OTOGL: variants seen among roughly 807,000 people sequenced by gnomAD.
OTOGL encodes otogelin like.
A neutral mutation model predicts 318.5 loss-of-function variants in OTOGL; 285 were observed. The ratio of observed to expected loss-of-function variants is 0.89; its 90% CI spans 0.81 to 0.99. The LOEUF (loss-of-function observed/expected upper bound fraction) is 0.99. Ranked by LOEUF, OTOGL falls within the 50% of genes least tolerant of loss-of-function variation. The pLI is 0.00. For missense variants in OTOGL, 2,899 were observed against 2,845.6 expected, an observed-to-expected ratio of 1.02 and a Z score of -0.43; for synonymous variants, 987 against 936.5, an observed-to-expected ratio of 1.05 and a Z score of -0.99.
intron 5 of OTOGL, among the ~76,000 whole-genome samples, chr12:80,218,459 A>G (rs763652082): frequency 5.3e-5 from 8 of 152,202 alleles, no homozygotes; most frequent in Non-Finnish European, 8.8e-5. Flanking sequence ...CAAATGATCA[A>G]TTATATAACT....
At chr12:80,286,610 A>T (rs543848216) in intron 26 of OTOGL, among the ~76,000 whole-genome samples, 1 of 152,226 alleles carries the variant, frequency 6.6e-6, no homozygotes, top group African/African-American at 2.4e-5. Flanking sequence ...GGGAGGGTGT[A>T]TGTGTCCAGG....
intron 1 of OTOGL, among the ~76,000 whole-genome samples, chr12:80,168,355 T>TA (rs997194431): frequency 6.6e-6 from 1 of 152,182 alleles, no homozygotes; most frequent in African/African-American, 2.4e-5. Flanking sequence ...AAGATATTTT[T>TA]AAAAAATATA....
intron 1 of OTOGL, among the ~76,000 whole-genome samples, chr12:80,151,735 T>C (rs1169127383): frequency 6.6e-6 from 1 of 151,970 alleles, no homozygotes; most frequent in Non-Finnish European, 1.5e-5. Context: ...AAAGGAAGAG[T>C]CAACTAGTTA....
intron 34 of OTOGL, among the ~76,000 whole-genome samples, chr12:80,323,097 TACACACACACACACACACACACACACAC>T (rs200949284): frequency 7.9e-6 from 1 of 127,056 alleles, no homozygotes; most frequent in African/African-American, 2.8e-5. Context: ...GAAAACCCAC[TACACACACACACACACACACACACACAC>T]ACACACACAC....
At chr12:80,202,907 A>C (rs938587014) in intron 1 of OTOGL, among the ~76,000 whole-genome samples, 1 of 152,206 alleles carries the variant, frequency 6.6e-6, no homozygotes, top group African/African-American at 2.4e-5. Context: ...ATGACTAAAA[A>C]ATAGTTGCCA....
intron 1 of OTOGL, among the ~76,000 whole-genome samples, chr12:80,123,856 A>C (rs184172138): frequency 5.3e-5 from 8 of 152,220 alleles, no homozygotes; most frequent in Admixed American, 5.2e-4. Flanking sequence ...GTATCTGTTC[A>C]TATCCTTCGC....
chr12:80,145,282 C>A (rs901108144), intron 1 of OTOGL, among the ~76,000 whole-genome samples: 3 of 151,882 alleles, frequency 2.0e-5, no homozygotes, highest in Admixed American at 2.0e-4. Flanking sequence ...TATGGCTAGC[C>A]AGTTTTCCCA....
At chr12:80,327,011 T>G (rs1239896561) in intron 35 of OTOGL, among the ~76,000 whole-genome samples, 3 of 152,214 alleles carry the variant, frequency 2.0e-5, no homozygotes. Context: ...GTAAATATAT[T>G]ATTTAAAACT....
chr12:80,186,539 CTT>C (rs963963263), intron 1 of OTOGL, among the ~76,000 whole-genome samples: 1 of 152,178 alleles, frequency 6.6e-6, no homozygotes, highest in African/African-American at 2.4e-5. Context: ...TGTTGAAAAA[CTT>C]TGAGAGGCTC....
At chr12:80,249,947 CTT>C (rs1281279942) in intron 11 of OTOGL, among the ~76,000 whole-genome samples, 2 of 152,042 alleles carry the variant, frequency 1.3e-5, no homozygotes, top group East Asian at 3.9e-4. Context: ...TCCGTCAGCC[CTT>C]TCTTTGACTC....
chr12:80,225,702 T>C (rs1474446741), intron 7 of OTOGL, among the ~76,000 whole-genome samples: 1 of 152,098 alleles, frequency 6.6e-6, no homozygotes, highest in Non-Finnish European at 1.5e-5. Context: ...CTTCCTTCAA[T>C]GTTAAATATT....
chr12:80,153,169 TC>T (rs1196269190), intron 1 of OTOGL, among the ~76,000 whole-genome samples: 1 of 152,198 alleles, frequency 6.6e-6, no homozygotes, highest in African/African-American at 2.4e-5. Context: ...GAAATTTATT[TC>T]TTATTCTGGA....
At chr12:80,106,159 C>A (rs1869442723) in intron 1 of OTOGL, among the ~76,000 whole-genome samples, 1 of 152,168 alleles carries the variant, frequency 6.6e-6, no homozygotes, top group African/African-American at 2.4e-5. Context: ...CAGATGTTAC[C>A]ATTTGGTATT....
chr12:80,228,566 C>T (rs1185254953), intron 7 of OTOGL, among the ~76,000 whole-genome samples: 4 of 152,084 alleles, frequency 2.6e-5, no homozygotes, highest in Non-Finnish European at 5.9e-5. Context: ...TTCTTTTCCA[C>T]CTCTATAGTT....
In OTOGL at chr12:80,319,446, C is replaced by T. The variant is rs747960630; in HGVS notation, c.3802+733C>T. On this transcript the variant is annotated intron_variant, in intron 33 of 58. Coordinates refer to ENST00000547103, the MANE Select transcript of OTOGL (RefSeq NM_001378609.3). ...TTATTCTGAGAATGCTCACAATTCT[C>T]CAGTTAGAATAAATTATATATTTCC... 2.0e-5 allele frequency among the ~76,000 whole-genome samples: 3 copies of T among 152,118 alleles called. No individual in the cohort carries two copies. The East Asian group carries it at 5.8e-4, about 29-fold the overall frequency.
chr12:80,308,423 G>C (rs1461012350), intron 29 of OTOGL, among the ~76,000 whole-genome samples: 2 of 151,976 alleles, frequency 1.3e-5, no homozygotes, highest in Non-Finnish European at 2.9e-5. Flanking sequence ...GCCGGGCAGA[G>C]ATGCTCCTCA....
At chr12:80,232,687 T>C (rs1879475237) in intron 8 of OTOGL, among the ~76,000 whole-genome samples, 1 of 152,238 alleles carries the variant, frequency 6.6e-6, no homozygotes, top group African/African-American at 2.4e-5. Context: ...GCATCATTTT[T>C]GTTGTGTCTT....
chr12:80,124,735 C>G (rs1376558919), intron 1 of OTOGL, among the ~76,000 whole-genome samples: 1 of 152,016 alleles, frequency 6.6e-6, no homozygotes, highest in Non-Finnish European at 1.5e-5. Context: ...TTGTAGTTCT[C>G]CTTGAAGAGG....
intron 27 of OTOGL, among the ~76,000 whole-genome samples, chr12:80,301,836 T>A (rs1885784840): frequency 6.6e-6 from 1 of 152,202 alleles, no homozygotes; most frequent in Non-Finnish European, 1.5e-5. Flanking sequence ...TTGCCATCAA[T>A]CAGAACATAT....
Sources: gnomAD v4.1 joint callset for allele counts (sites outside exome capture counted in the v4.1 genomes callset) on GRCh38, gnomAD v4.1.1 for gene constraint, MANE v1.5 for transcripts, NCBI Gene and HGNC (gene_info 2026-07-23, HGNC 2026-07-21) for gene names.